Variants in FLT3 observed in about 807,000 individuals in gnomAD.
The protein encoded by FLT3 is receptor-type tyrosine-protein kinase FLT3.
Under a neutral mutation model 126.6 loss-of-function variants are expected in FLT3, and 46 were observed. The ratio of observed to expected loss-of-function variants is 0.36; its 90% confidence interval spans 0.29 to 0.46. The LOEUF (loss-of-function observed/expected upper bound fraction) is 0.46. Ranked by LOEUF, FLT3 falls within the 20% of genes least tolerant of loss-of-function variation. The pLI is 1.00. For missense variants in FLT3, 1,069 were observed against 1,190.3 expected, an observed-to-expected ratio of 0.90 and a Z score of 1.50; for synonymous variants, 404 against 434.4, an observed-to-expected ratio of 0.93 and a Z score of 0.87.
intron 1 of FLT3, among the ~76,000 whole-genome samples, chr13:28,085,672 T>C (rs1353207289): frequency 6.9e-6 from 1 of 144,738 alleles, no homozygotes; most frequent in Non-Finnish European, 1.5e-5. Flanking sequence ...CTTATAACAT[T>C]ATGAAATGGC....
chr13:28,011,333 A>AGAGGGGAAGG (rs1449644518), intron 23 of FLT3, among the ~76,000 whole-genome samples: 7 of 84,812 alleles, frequency 8.3e-5, no homozygotes, highest in African/African-American at 3.1e-4. Context: ...AGAGGAGAGG[A>AGAGGGGAAGG]GAGGGGAGGG....
intron 2 of FLT3, among the ~76,000 whole-genome samples, chr13:28,065,053 C>G (rs933457225): frequency 1.3e-5 from 2 of 152,068 alleles, no homozygotes; most frequent in African/African-American, 4.8e-5. Flanking sequence ...CCTGGATGTA[C>G]TGTTAAGTGA....
At position 28,095,956 on chromosome 13, in the gene FLT3, A is replaced by G. The variant is rs182727870; in HGVS notation, c.43+4512T>C. On this transcript the variant is annotated intron_variant, in intron 1 of 23. Transcript: ENST00000241453. ...GGAAAAGTGCTTCTTCCCAAGACCTAAAAGATGACCATATTTAGCTTTGGA... is the reference window on the plus strand; with the variant it reads ...GGAAAAGTGCTTCTTCCCAAGACCTGAAAGATGACCATATTTAGCTTTGGA... 2.6e-5 allele frequency among the ~76,000 whole-genome samples: 4 copies of G among 152,332 alleles called. No individual in the cohort carries two copies. The East Asian group carries it at 7.7e-4, about 29-fold the overall frequency.
At chr13:28,071,119 C>G (rs548074007) in intron 1 of FLT3, among the ~76,000 whole-genome samples, 1 of 151,228 alleles carries the variant, frequency 6.6e-6, no homozygotes, top group East Asian at 1.9e-4. Context: ...CTCAGCCTCC[C>G]GAGTGGCTGG....
chr13:28,050,326 G>A, intron 5 of FLT3, 104 bp from the exon 6 acceptor site: 1 of 1,129,606 alleles, frequency 8.9e-7, no homozygotes, highest in East Asian at 2.5e-5. Context: ...AGGGTCAAAT[G>A]GTAAACAAAA....
intron 4 of FLT3, 30 bp downstream of exon 4, chr13:28,057,310 ATTCCAGG>A (rs1233431765): frequency 1.1e-6 from 1 of 900,788 alleles, no homozygotes; most frequent in South Asian, 1.3e-5. Context: ...ATATTGTGGT[ATTCCAGG>A]CTGGAATACT....
At chr13:28,009,077 G>C (rs1871156026) in intron 23 of FLT3, among the ~76,000 whole-genome samples, 1 of 151,560 alleles carries the variant, frequency 6.6e-6, no homozygotes, top group African/African-American at 2.4e-5. Context: ...CCTGGGCTCA[G>C]GGAATCCTCC....
In FLT3 at chr13:28,035,965, G is replaced by T. The variant is rs765715484; in HGVS notation, c.1388C>A (p.Thr463Asn). ...AGACTTGTCTGAACACTTCTTCCAG[G>T]TCCAAGATGGTAATGGGTATCCATC... is the stretch of plus-strand genomic sequence containing the variant. Reference protein sequence around the residue: ...FSDGYPLPSWTWKKCSDKSPN... With the variant: ...FSDGYPLPSWNWKKCSDKSPN... The change falls in exon 11 of 24, where the codon ACC becomes AAC. Residue 463 changes from threonine (T) to asparagine (N), a missense_variant. By Grantham distance (65) the Thr-to-Asn change is moderately conservative. Coordinates refer to ENST00000241453, the MANE Select transcript of FLT3 (RefSeq NM_004119.3). 3.1e-6 allele frequency: 5 copies of T among 1,613,986 alleles called. No individual in the cohort carries two copies. The highest frequency in any genetic ancestry group is 1.7e-5 in the Admixed American group (1 of 60,010).
chr13:28,033,805 G>T, intron 15 of FLT3, 82 bp downstream of exon 15: 1 of 1,045,846 alleles, frequency 9.6e-7, no homozygotes, highest in Non-Finnish European at 1.5e-6. Context: ...TTAAAAGGAT[G>T]GAAAAGAGAA....
At chr13:28,069,227 T>A (rs563403953) in intron 2 of FLT3, among the ~76,000 whole-genome samples, 101 of 152,160 alleles carry the variant, frequency 6.6e-4, no homozygotes, top group African/African-American at 2.4e-3. Context: ...ATGAGGGAGT[T>A]AACGAGGGCT....
At chr13:28,062,293 C>T (rs1209401419) in intron 2 of FLT3, among the ~76,000 whole-genome samples, 3 of 152,062 alleles carry the variant, frequency 2.0e-5, no homozygotes, top group Non-Finnish European at 4.4e-5. Context: ...AAATGTTGTA[C>T]GGACTGTCAT....
Position 28,014,521 on chromosome 13 carries a change from T to C in FLT3, c.2790A>G (p.Ser930=), listed in dbSNP as rs746408964. Residue 930 remains serine (S), a synonymous_variant, in exon 23 of 24, where the codon TCA becomes TCG. Coordinates refer to ENST00000241453, the MANE Select transcript of FLT3 (RefSeq NM_004119.3). ...AATTAGGGAAGGATGGCCGTTTCCT[T>C]GAGTCAAAAGCCCAGCAGGATTGCA... is the stretch of plus-strand genomic sequence containing the variant. The part of the protein sequence containing the change: ...IIMQSCWAFD[S]RKRPSFPNLT... The C allele has an allele frequency of 3.7e-6, 6 of 1,613,892 alleles. No homozygotes were observed. The highest frequency in any genetic ancestry group is 5.1e-6 in the Non-Finnish European group (6 of 1,179,922).
intron 12 of FLT3, among the ~76,000 whole-genome samples, chr13:28,034,932 G>C (rs1419433069): frequency 9.7e-6 from 1 of 102,924 alleles, no homozygotes; most frequent in Non-Finnish European, 2.1e-5. Context: ...GTGACAGAGC[G>C]AGTCTCCATC....
intron 1 of FLT3, among the ~76,000 whole-genome samples, chr13:28,078,239 A>G (rs2387352): frequency 0.71 from 108,249 of 152,166 alleles, 40,253 homozygotes; most frequent in East Asian, 0.95. Flanking sequence ...CTTCCACACT[A>G]CCCTAGCAGA....
At chr13:28,023,633 T>C (rs1396212499) in intron 18 of FLT3, among the ~76,000 whole-genome samples, 156 bp from the exon 19 acceptor site, 1 of 152,238 alleles carries the variant, frequency 6.6e-6, no homozygotes, top group Non-Finnish European at 1.5e-5. Context: ...GACCTGTTTA[T>C]GCTGCCTATG....
At chr13:28,091,300 C>T (rs958222021) in intron 1 of FLT3, among the ~76,000 whole-genome samples, 11 of 135,022 alleles carry the variant, frequency 8.1e-5, no homozygotes, top group Middle Eastern at 4.2e-3. Context: ...CGGCTCACTG[C>T]AAGCTCCGCC....
At chr13:28,080,244 C>T (rs973098394) in intron 1 of FLT3, among the ~76,000 whole-genome samples, 3 of 152,192 alleles carry the variant, frequency 2.0e-5, no homozygotes, top group Non-Finnish European at 4.4e-5. Context: ...GGCGCCATGG[C>T]GCATTCCTGT....
chr13:28,094,075 T>A (rs1276210243), intron 1 of FLT3, among the ~76,000 whole-genome samples: 1 of 152,232 alleles, frequency 6.6e-6, no homozygotes, highest in Non-Finnish European at 1.5e-5. Context: ...TATTATCTGA[T>A]GAAGGAGTAA....
At chr13:28,007,776 G>A (rs1052876704) in intron 23 of FLT3, among the ~76,000 whole-genome samples, 1 of 152,140 alleles carries the variant, frequency 6.6e-6, no homozygotes, top group Non-Finnish European at 1.5e-5. Flanking sequence ...GGAGATTGAG[G>A]TGAGGATTAA....
Sources: allele counts gnomAD v4.1 joint callset (sites outside exome capture counted in the v4.1 genomes callset), GRCh38; gene constraint gnomAD v4.1.1; transcripts MANE v1.5; gene names NCBI Gene and HGNC (gene_info 2026-07-23, HGNC 2026-07-21).